The following PCDHGA8 variants were observed in gnomAD, a reference collection of about 807,000 sequenced individuals.
PCDHGA8 encodes protocadherin gamma subfamily A, 8.
Under a neutral mutation model 59.2 loss-of-function variants are expected in PCDHGA8, and 45 were observed. The ratio of observed to expected loss-of-function variants is 0.76; its 90% confidence interval spans 0.60 to 0.98. The LOEUF (loss-of-function observed/expected upper bound fraction) is 0.98. Ranked by LOEUF, PCDHGA8 falls within the 50% of genes least tolerant of loss-of-function variation. The pLI, the probability that PCDHGA8 is intolerant of heterozygous loss-of-function variation, is 0.00. For missense variants in PCDHGA8, 1,257 were observed against 1,196.2 expected (o/e 1.05, Z -0.75); for synonymous variants, 531 against 519.0 (o/e 1.02, Z -0.32).
At chr5:141,419,554 T>C (rs775925543) in intron 1 of PCDHGA8, 1 of 1,612,006 alleles carries the variant, frequency 6.2e-7, no homozygotes, top group Non-Finnish European at 8.5e-7. Flanking sequence ...TGCTGTACCC[T>C]GCGCTGGGTC....
chr5:141,448,704 G>A (rs1272148301), intron 1 of PCDHGA8, among the ~76,000 whole-genome samples: 1 of 152,134 alleles, frequency 6.6e-6, no homozygotes. Flanking sequence ...ACTTTGGGAG[G>A]CCGAGGCGGG....
chr5:141,397,972 G>A lies in PCDHGA8; in HGVS notation c.2424+2735G>A. 2.6e-6 allele frequency: 3 copies of A among 1,155,562 alleles called. No homozygotes were observed. In the South Asian group the frequency reaches 4.9e-5, roughly 19 times the overall value. The allele number at this position is 1,155,562 out of a possible 1,614,324, so 71.6% of individuals were successfully genotyped here. A position where few individuals can be genotyped will look rare whatever the true frequency, so the allele number is the denominator to read the frequency against. On this transcript the variant is annotated intron_variant, in intron 1 of 3. Transcript: ENST00000398604. ...GCAGCCCCAGCTCAGACTCCCCAGC[G>A]CCGGCCTTTACACCGCTTCCTCCTC...
At chr5:141,444,492 T>C (rs1052885639) in intron 1 of PCDHGA8, among the ~76,000 whole-genome samples, 1 of 152,122 alleles carries the variant, frequency 6.6e-6, no homozygotes, top group East Asian at 1.9e-4. Context: ...TTATATTGTG[T>C]AATACTTTGC....
intron 1 of PCDHGA8, among the ~76,000 whole-genome samples, chr5:141,450,547 C>T (rs182695399): frequency 3.4e-4 from 51 of 150,496 alleles, no homozygotes; most frequent in African/African-American, 1.0e-3. Context: ...AATGCAGTGG[C>T]GCAGTCTCGG....
intron 1 of PCDHGA8, among the ~76,000 whole-genome samples, chr5:141,430,358 C>T (rs2097275535): frequency 6.7e-6 from 1 of 149,028 alleles, no homozygotes; most frequent in South Asian, 2.1e-4. Flanking sequence ...TTTAAAAGCT[C>T]ATTGGGGAAA....
At position 141,476,033 on chromosome 5, in the gene PCDHGA8, C is replaced by T; in HGVS notation, c.2425-18774C>T. On this transcript the variant is annotated intron_variant, in intron 1 of 3. Transcript: ENST00000398604. The surrounding 1 kb of genome is among the most constrained non-coding windows in gnomAD (Gnocchi z 7.6). The stretch of plus-strand genomic sequence containing the variant: ...GCCATGTCGGACTCGGCGCCCAGCG[C>T]CCAAGCGCTAACCCGCTGAAAGTTT... 6.8e-7 allele frequency: 1 copy of T among 1,469,590 alleles called. No individual in the cohort carries two copies. Among genetic ancestry groups the T allele is most frequent in the Non-Finnish European group, 9.0e-7 (1 of 1,105,326 alleles). 91.0% of individuals were successfully genotyped at this position (1,469,590 alleles called of 1,614,324 possible). A position where few individuals can be genotyped will look rare whatever the true frequency, so the allele number is the denominator to read the frequency against.
At position 141,485,331 on chromosome 5, in the gene PCDHGA8, T is replaced by G; in HGVS notation, c.2425-9476T>G. 6.2e-7 allele frequency: 1 copy of G among 1,614,166 alleles called. No individual in the cohort carries two copies. Among genetic ancestry groups the G allele is most frequent in the Admixed American group, 1.7e-5 (1 of 60,022 alleles). Reference sequence around the variant, plus strand: ...GTAGGGAATGTCGCTCAAGATTTCCTGCTGGATACGGACAGTCTGTCAGCT... The same window carrying G: ...GTAGGGAATGTCGCTCAAGATTTCCGGCTGGATACGGACAGTCTGTCAGCT... On this transcript the variant is annotated intron_variant, in intron 1 of 3. Coordinates refer to ENST00000398604, the MANE Select transcript of PCDHGA8 (RefSeq NM_032088.2). The surrounding 1 kb of genome is among the most constrained non-coding windows in gnomAD (Gnocchi z 5.7).
chr5:141,445,245 T>C (rs2098460607), intron 1 of PCDHGA8, among the ~76,000 whole-genome samples: 1 of 152,212 alleles, frequency 6.6e-6, no homozygotes, highest in Non-Finnish European at 1.5e-5. Flanking sequence ...TTACACTATA[T>C]TGTGTGAGAA....
At chr5:141,458,172 T>A (rs1023447659) in intron 1 of PCDHGA8, among the ~76,000 whole-genome samples, 2 of 152,216 alleles carry the variant, frequency 1.3e-5, no homozygotes, top group African/African-American at 4.8e-5. Flanking sequence ...CACAGTAGTA[T>A]ACCTTACTTG....
chr5:141,408,133 T>A, intron 1 of PCDHGA8: 5 of 1,483,848 alleles, frequency 3.4e-6, no homozygotes, highest in Non-Finnish European at 4.5e-6. Context: ...GGCCGAATGC[T>A]CTTTTAGCGC....
chr5:141,434,906 C>A lies in PCDHGA8; in HGVS notation c.2424+39669C>A, dbSNP rs1044434492. ...AACAATCCAGTCCCCTTCCCTCATA[C>A]CTTATTTATGTACATATATTTTATA... On this transcript the variant is annotated intron_variant, in intron 1 of 3. Coordinates refer to ENST00000398604, the MANE Select transcript of PCDHGA8 (RefSeq NM_032088.2). Among the ~76,000 whole-genome samples the A allele has an allele frequency of 2.0e-5, 3 of 151,752 alleles. No individual in the cohort carries two copies. In the South Asian group the frequency reaches 6.2e-4, roughly 32 times the overall value.
intron 1 of PCDHGA8, among the ~76,000 whole-genome samples, chr5:141,471,692 C>A (rs1293253544): frequency 6.6e-6 from 1 of 152,118 alleles, no homozygotes; most frequent in African/African-American, 2.4e-5. Context: ...TTCTGAAATT[C>A]TGGCTGGAAT....
Position 141,486,880 on chromosome 5 carries a change from G to T in PCDHGA8, c.2425-7927G>T. On this transcript the variant is annotated intron_variant, in intron 1 of 3. Transcript: ENST00000398604. The surrounding 1 kb of genome is among the most constrained non-coding windows in gnomAD (Gnocchi z 5.0). The stretch of plus-strand genomic sequence containing the variant: ...ATGCTCCAGCTGTGCTCCGTCCTCG[G>T]GCCCGGCCTGGTTCCTTATGTCCCC... The T allele has an allele frequency of 6.2e-7, 1 of 1,614,212 alleles. No homozygotes were observed. Among genetic ancestry groups the T allele is most frequent in the East Asian group, 2.2e-5 (1 of 44,882 alleles).
At position 141,490,840 on chromosome 5, in the gene PCDHGA8, G is replaced by C. The variant is rs1177428192; in HGVS notation, c.2425-3967G>C. On this transcript the variant is annotated intron_variant, in intron 1 of 3. Transcript: ENST00000398604. This position sits in a 1 kb window ranked among gnomAD's most constrained non-coding sequence, Gnocchi z 5.4. Reference sequence around the variant, plus strand: ...ATTGCTGCAGATGCTGCAGATTGTGGTGGGGGTTCGAGACTCCGGCTCTCC... The same window carrying C: ...ATTGCTGCAGATGCTGCAGATTGTGCTGGGGGTTCGAGACTCCGGCTCTCC... 2 of 1,613,900 alleles carry C rather than the reference G, an allele frequency of 1.2e-6. No homozygotes were observed. Among genetic ancestry groups the C allele is most frequent in the Middle Eastern group, 3.3e-4 (2 of 6,058 alleles).
At chr5:141,430,979 C>A (rs370494413) in intron 1 of PCDHGA8, 2 of 1,613,642 alleles carry the variant, frequency 1.2e-6, no homozygotes, top group Non-Finnish European at 1.7e-6. Context: ...TAGGACGCAG[C>A]TTTTCGCCCT....
Position 141,491,590 on chromosome 5 carries a change from G to A in PCDHGA8, c.2425-3217G>A, listed in dbSNP as rs376104513. ...GACGTGCTTTTCACCGGCCTCGGAC[G>A]GCAGTGACTTCACTTTTCTAAGACC... On this transcript the variant is annotated intron_variant, in intron 1 of 3. Transcript: ENST00000398604. The surrounding 1 kb of genome is among the most constrained non-coding windows in gnomAD (Gnocchi z 6.9). 15 of 1,613,828 alleles carry A rather than the reference G, an allele frequency of 9.3e-6. No homozygotes were observed. In the African/African-American group the frequency reaches 2.0e-4, roughly 22 times the overall value.
chr5:141,448,464 T>C lies in PCDHGA8; in HGVS notation c.2425-46343T>C, dbSNP rs186054602. Among the ~76,000 whole-genome samples the C allele has an allele frequency of 2.6e-3, 402 of 152,296 alleles. 10 individuals are homozygous for C. The highest frequency in any genetic ancestry group is 0.023 in the Admixed American group (357 of 15,282). ...CTGACTTCCATCCCTATCCTACTCCTATTCCACCCTTGCTTCCTCCTGTCC... is the reference window on the plus strand; with the variant it reads ...CTGACTTCCATCCCTATCCTACTCCCATTCCACCCTTGCTTCCTCCTGTCC... On this transcript the variant is annotated intron_variant, in intron 1 of 3. Transcript: ENST00000398604.
intron 1 of PCDHGA8, chr5:141,399,630 G>A: frequency 1.9e-6 from 3 of 1,613,874 alleles, no homozygotes; most frequent in Non-Finnish European, 1.7e-6. Flanking sequence ...CCTCTTACGT[G>A]TCCATGAGCG....
Position 141,393,434 on chromosome 5 carries a change from T to C in PCDHGA8, c.621T>C (p.Ala207=), listed in dbSNP as rs1554093883. Residue 207 remains alanine (A), a synonymous_variant, in exon 1 of 4, where the codon GCT becomes GCC. Transcript: ENST00000398604. The part of the protein sequence containing the change: ...ERALDREEEA[A]HHLVLTASDG... ...CCCTGGACAGGGAGGAAGAGGCTGC[T>C]CACCACCTGGTCCTCACGGCCTCGG... is the stretch of plus-strand genomic sequence containing the variant. 5 of 1,613,902 alleles carry C rather than the reference T, an allele frequency of 3.1e-6. No individual in the cohort carries two copies. Among genetic ancestry groups the C allele is most frequent in the South Asian group, 1.1e-5 (1 of 91,092 alleles).
Sources: allele counts gnomAD v4.1 joint callset (sites outside exome capture counted in the v4.1 genomes callset), GRCh38; gene constraint gnomAD v4.1.1; non-coding constraint Gnocchi (gnomAD v3.1); transcripts MANE v1.5; gene names NCBI Gene and HGNC (gene_info 2026-07-23, HGNC 2026-07-21).